The following MAP6 variants were observed in gnomAD, a reference collection of about 807,000 sequenced individuals.
The protein encoded by MAP6 is microtubule associated protein 6.
Under a neutral mutation model 42.4 loss-of-function variants are expected in MAP6, and 26 were observed. The ratio of observed to expected loss-of-function variants is 0.61; its 90% confidence interval spans 0.45 to 0.85. The LOEUF is 0.85. Ranked by LOEUF, MAP6 falls within the 40% of genes least tolerant of loss-of-function variation. The probability of loss-of-function intolerance (pLI) is 0.00; values close to 1 mark genes in which losing one functional copy is unlikely to be tolerated. For synonymous variants in MAP6, 418 were observed against 443.8 expected, an observed-to-expected ratio of 0.94 and a Z score of 0.73; for missense variants, 966 against 1,099.0, an observed-to-expected ratio of 0.88 and a Z score of 1.71.
chr11:75,594,688 GCTT>G (rs756142016), intron 3 of MAP6: 2 of 152,222 alleles, frequency 1.3e-5, no homozygotes, highest in African/African-American at 2.4e-5. Context: ...GGCTGGTGTA[GCTT>G]CTTCTCTTTA....
chr11:75,605,492 A>T, intron 3 of MAP6: 1 of 1,128,072 alleles, frequency 8.9e-7, no homozygotes, highest in African/African-American at 1.6e-5. Flanking sequence ...CTGCCGGGAG[A>T]TTCGTTTCGC....
chr11:75,608,351 T>C (rs1942821688), intron 1 of MAP6, 29 bp from the exon 2 acceptor site: 3 of 1,581,302 alleles, frequency 1.9e-6, no homozygotes, highest in Non-Finnish European at 2.6e-6. Flanking sequence ...ATATGTGATA[T>C]GAAGCATCAT....
intron 1 of MAP6, among the ~76,000 whole-genome samples, chr11:75,653,957 G>A (rs1208234399): frequency 6.6e-6 from 1 of 152,172 alleles, no homozygotes; most frequent in Admixed American, 6.5e-5. Flanking sequence ...AGCACTGTAT[G>A]TACACATCTT....
rs148672034 is a variant in MAP6 at position 75,625,578 on chromosome 11, A to C, written c.906-17256T>G. Among the ~76,000 whole-genome samples the C allele has an allele frequency of 1.2e-4, 19 of 152,298 alleles. No homozygotes were observed. In the East Asian group the frequency reaches 3.7e-3, roughly 29 times the overall value. ...GCCCAGAGAGGTGAGCGATTTGCTCAAGGGCACACAGCTAACAAACAGGAG... is the reference window on the plus strand; with the variant it reads ...GCCCAGAGAGGTGAGCGATTTGCTCCAGGGCACACAGCTAACAAACAGGAG... On this transcript the variant is annotated intron_variant, in intron 1 of 3. Coordinates refer to ENST00000304771, the MANE Select transcript of MAP6 (RefSeq NM_033063.2).
At chr11:75,658,294 T>C (rs1016153436) in intron 1 of MAP6, among the ~76,000 whole-genome samples, 4 of 152,118 alleles carry the variant, frequency 2.6e-5, no homozygotes, top group African/African-American at 9.7e-5. Flanking sequence ...TGAGTTTCCA[T>C]TTTCATTCTG....
intron 3 of MAP6, among the ~76,000 whole-genome samples, chr11:75,602,565 T>G (rs1462719588): frequency 6.6e-6 from 1 of 152,150 alleles, no homozygotes; most frequent in African/African-American, 2.4e-5. Flanking sequence ...AGCCTCCCAG[T>G]GTGGCAAGGT....
At chr11:75,613,695 C>T (rs1165416332) in intron 1 of MAP6, among the ~76,000 whole-genome samples, 1 of 152,202 alleles carries the variant, frequency 6.6e-6, no homozygotes, top group African/African-American at 2.4e-5. Flanking sequence ...GAGTCTGGGG[C>T]TATGATATCC....
intron 2 of MAP6, among the ~76,000 whole-genome samples, chr11:75,606,209 C>T (rs1942771273): frequency 1.3e-5 from 2 of 152,208 alleles, no homozygotes; most frequent in Non-Finnish European, 2.9e-5. Context: ...ACTTTGGCAG[C>T]ACCCACTGGC....
intron 3 of MAP6, chr11:75,605,534 T>A (rs1006566043): frequency 1.7e-5 from 21 of 1,242,812 alleles, no homozygotes; most frequent in Middle Eastern, 3.3e-4. Flanking sequence ...CTCATCAGCA[T>A]GCAGTCAGAG....
At position 75,587,408 on chromosome 11, in the gene MAP6, A is replaced by G; in HGVS notation, c.2093T>C (p.Val698Ala). The G allele has an allele frequency of 6.2e-7, 1 of 1,614,100 alleles. No homozygotes were observed. Among genetic ancestry groups the G allele is most frequent in the Non-Finnish European group, 8.5e-7 (1 of 1,179,984 alleles). ...ACCTTGATTCTTTACAGGTGCCACA[A>G]CTGCAGAATCGTGAACCTTTGCATG... ...PEHAKVHDSA[V>A]VAPVKNQGPV... The change falls in exon 4 of 4, where the codon GTT (valine) becomes GCT (alanine). Residue 698 changes from valine (V) to alanine (A), a missense_variant. This residue lies in a region of MAP6 where 943 missense variants were observed against 1,049.9 expected (regional missense o/e 0.90). Coordinates refer to ENST00000304771, the MANE Select transcript of MAP6 (RefSeq NM_033063.2).
intron 1 of MAP6, among the ~76,000 whole-genome samples, chr11:75,634,248 A>G (rs1336324668): frequency 6.6e-6 from 1 of 152,210 alleles, no homozygotes; most frequent in Non-Finnish European, 1.5e-5. Flanking sequence ...GAAGCATGAC[A>G]AAAATGTCAA....
At chr11:75,601,191 T>A (rs1314122795) in intron 3 of MAP6, among the ~76,000 whole-genome samples, 1 of 152,208 alleles carries the variant, frequency 6.6e-6, no homozygotes, top group Non-Finnish European at 1.5e-5. Flanking sequence ...ACTCTGAGTG[T>A]GTCTCACCTT....
At chr11:75,666,382 G>T (rs548445984) in intron 1 of MAP6, among the ~76,000 whole-genome samples, 1 of 152,306 alleles carries the variant, frequency 6.6e-6, no homozygotes, top group Admixed American at 6.5e-5. Flanking sequence ...GAAAATTCTA[G>T]AAGGAAAGAG....
intron 1 of MAP6, among the ~76,000 whole-genome samples, chr11:75,643,060 T>C (rs1943500358): frequency 6.6e-6 from 1 of 152,146 alleles, no homozygotes; most frequent in Non-Finnish European, 1.5e-5. Context: ...GCAGTAGAAA[T>C]ATAAAAACTG....
intron 1 of MAP6, chr11:75,642,853 C>T (rs1490400921): frequency 6.2e-6 from 3 of 480,850 alleles, no homozygotes; most frequent in African/African-American, 3.9e-5. Flanking sequence ...GAACAACACA[C>T]CTAAATCCAA....
intron 1 of MAP6, among the ~76,000 whole-genome samples, chr11:75,661,328 G>A (rs987980739): frequency 1.4e-4 from 22 of 152,034 alleles, no homozygotes; most frequent in African/African-American, 5.1e-4. Context: ...AAAAGGAGGG[G>A]AATCTACCCA....
chr11:75,641,030 C>T (rs1943460426), intron 1 of MAP6, among the ~76,000 whole-genome samples: 1 of 152,172 alleles, frequency 6.6e-6, no homozygotes, highest in Non-Finnish European at 1.5e-5. Context: ...AAGACACATG[C>T]ACACGTATGT....
chr11:75,610,266 A>G (rs1942868934), intron 1 of MAP6, among the ~76,000 whole-genome samples: 1 of 152,234 alleles, frequency 6.6e-6, no homozygotes, highest in South Asian at 2.1e-4. Flanking sequence ...GACACCTACC[A>G]ACAACTCAGA....
At position 75,619,646 on chromosome 11, in the gene MAP6, T is replaced by C. The variant is rs574763946; in HGVS notation, c.906-11324A>G. On this transcript the variant is annotated intron_variant, in intron 1 of 3. Transcript: ENST00000304771. ...TTGTGAGTTAGTTTGCTAAGGATAA[T>C]GGCCTCCAGCTCCATCCATGTCCCT... Among the ~76,000 whole-genome samples, 6 of 152,322 alleles carry C rather than the reference T, an allele frequency of 3.9e-5. No homozygotes were observed. The South Asian group carries it at 1.0e-3, about 26-fold the overall frequency.
Sources: allele counts gnomAD v4.1 joint callset (sites outside exome capture counted in the v4.1 genomes callset), GRCh38; gene constraint gnomAD v4.1.1; regional missense constraint gnomAD v4.1.1; transcripts MANE v1.5; gene names NCBI Gene and HGNC (gene_info 2026-07-23, HGNC 2026-07-21).